Variants in RPGRIP1 observed in about 807,000 individuals in gnomAD.
RPGRIP1 encodes the protein X-linked retinitis pigmentosa GTPase regulator-interacting protein 1.
A neutral mutation model predicts 157.9 loss-of-function variants in RPGRIP1; 128 were observed. That is an observed-to-expected ratio of 0.81 (90% CI 0.70 to 0.94). The LOEUF is 0.94. Among genes scored for constraint, RPGRIP1 ranks in the 40% least tolerant of loss-of-function variants. RPGRIP1 has a pLI of 0.00. For synonymous variants in RPGRIP1, 554 were observed against 571.6 expected (o/e 0.97, Z 0.44); for missense variants, 1,486 against 1,545.8 (o/e 0.96, Z 0.65).
At chr14:21,327,406 TAG>T (rs1372477015) in intron 17 of RPGRIP1, among the ~76,000 whole-genome samples, 1 of 152,204 alleles carries the variant, frequency 6.6e-6, no homozygotes, top group African/African-American at 2.4e-5. Context: ...TCCTGAATCC[TAG>T]AGATAACCCA....
chr14:21,297,305 C>T (rs531177681), intron 3 of RPGRIP1, among the ~76,000 whole-genome samples: 6 of 152,094 alleles, frequency 3.9e-5, no homozygotes, highest in Admixed American at 2.6e-4. Context: ...ATGTTGGCCA[C>T]GCTGGTCTCG....
At chr14:21,322,400 C>T (rs186419436) in intron 14 of RPGRIP1, among the ~76,000 whole-genome samples, 14 of 152,240 alleles carry the variant, frequency 9.2e-5, no homozygotes, top group Admixed American at 7.2e-4. Flanking sequence ...CTCAGGTGAT[C>T]CACCTGCCTC....
Position 21,324,955 on chromosome 14 carries a change from G to C in RPGRIP1, c.2100G>C (p.Arg700=), listed in dbSNP as rs369515171. ...FLHYLQEASA[R]LDIHQAMASE... Reference sequence around the variant, plus strand: ...ACTACCTTCAAGAGGCTTCAGCCCGGCTTGACATACACCAGGCCATGGCCA... The same window carrying C: ...ACTACCTTCAAGAGGCTTCAGCCCGCCTTGACATACACCAGGCCATGGCCA... The change falls in exon 15 of 25, where the codon CGG becomes CGC. Residue 700 remains arginine, a synonymous_variant. Coordinates refer to ENST00000400017, the MANE Select transcript of RPGRIP1 (RefSeq NM_020366.4). 3.8e-5 allele frequency: 61 copies of C among 1,613,906 alleles called. No homozygotes were observed. The highest frequency in any genetic ancestry group is 1.7e-4 in the Admixed American group (10 of 60,002).
At chr14:21,287,033 A>G (rs1264234921) in intron 1 of RPGRIP1, among the ~76,000 whole-genome samples, 3 of 151,676 alleles carry the variant, frequency 2.0e-5, no homozygotes, top group African/African-American at 7.3e-5. Flanking sequence ...AAGAAAAAAA[A>G]AAGAGGAAAG....
At chr14:21,302,184 T>C (rs1373469184) in intron 4 of RPGRIP1, among the ~76,000 whole-genome samples, 1 of 152,242 alleles carries the variant, frequency 6.6e-6, no homozygotes, top group Non-Finnish European at 1.5e-5. Context: ...CCACCTGTTA[T>C]GTACTGGGCA....
intron 20 of RPGRIP1, 129 bp downstream of exon 20, chr14:21,330,516 A>C: frequency 3.4e-6 from 2 of 591,434 alleles, no homozygotes; most frequent in Non-Finnish European, 5.0e-6. Context: ...AAATACAAAA[A>C]TTAGCCGGGT....
intron 20 of RPGRIP1, among the ~76,000 whole-genome samples, chr14:21,333,718 A>G (rs1463419250): frequency 1.3e-5 from 2 of 152,138 alleles, no homozygotes; most frequent in Non-Finnish European, 2.9e-5. Flanking sequence ...CAAGACAGCA[A>G]GGTACAAGTC....
intron 1 of RPGRIP1, among the ~76,000 whole-genome samples, chr14:21,281,803 A>T (rs113395587): frequency 6.8e-6 from 1 of 148,106 alleles, no homozygotes; most frequent in Non-Finnish European, 1.5e-5. Flanking sequence ...GTAAAAAAGA[A>T]AAAAAAGAAG....
intron 1 of RPGRIP1, among the ~76,000 whole-genome samples, chr14:21,283,508 A>G (rs557505217): frequency 8.5e-5 from 13 of 152,126 alleles, no homozygotes; most frequent in South Asian, 4.2e-4. Context: ...TCGCCATGTT[A>G]GCCAGGCTGG....
At chr14:21,288,900 G>T (rs1880408538) in intron 2 of RPGRIP1, among the ~76,000 whole-genome samples, 3 of 152,142 alleles carry the variant, frequency 2.0e-5, no homozygotes, top group Admixed American at 1.3e-4. Flanking sequence ...CACAACAAAA[G>T]CCAAGAACAA....
intron 3 of RPGRIP1, among the ~76,000 whole-genome samples, chr14:21,296,004 C>T (rs929899011): frequency 1.3e-5 from 2 of 151,964 alleles, no homozygotes; most frequent in Admixed American, 6.6e-5. Context: ...GGCGCAGTCT[C>T]GGCTCACTGC....
intron 23 of RPGRIP1, among the ~76,000 whole-genome samples, chr14:21,347,164 GCTTT>G (rs369544422): frequency 6.6e-6 from 1 of 152,076 alleles, no homozygotes; most frequent in African/African-American, 2.4e-5. Context: ...ATTACCTTTG[GCTTT>G]CTTTTTGCCA....
chr14:21,315,869 G>C (rs1881772902), intron 10 of RPGRIP1, among the ~76,000 whole-genome samples: 1 of 150,940 alleles, frequency 6.6e-6, no homozygotes. Flanking sequence ...TGTGATCTTG[G>C]CTCACTGCAA....
At chr14:21,347,881 A>G (rs1162361084) in intron 23 of RPGRIP1, among the ~76,000 whole-genome samples, 1 of 152,112 alleles carries the variant, frequency 6.6e-6, no homozygotes, top group South Asian at 2.1e-4. Context: ...GTGTGCCACC[A>G]TGCCCGGCTA....
intron 21 of RPGRIP1, among the ~76,000 whole-genome samples, chr14:21,336,681 C>G (rs962613364): frequency 1.3e-5 from 2 of 152,108 alleles, no homozygotes; most frequent in African/African-American, 2.4e-5. Flanking sequence ...GATAACACTT[C>G]TATATTACCA....
In RPGRIP1 at chr14:21,288,071, A is replaced by G; in HGVS notation, c.85+10A>G. 1.3e-6 allele frequency: 2 copies of G among 1,572,636 alleles called. No homozygotes were observed. The highest frequency in any genetic ancestry group is 1.1e-5 in the South Asian group (1 of 90,224). On this transcript the variant is annotated intron_variant, in intron 2 of 24. Transcript: ENST00000400017. ...CTACCAGCCTCAAAAGGTAACTTCT[A>G]CGCCTGAGGATGGACACCTTTTAGA...
chr14:21,310,599 C>A lies in RPGRIP1; in HGVS notation c.922C>A (p.Leu308Ile). The A allele has an allele frequency of 6.9e-7, 1 of 1,457,246 alleles. No homozygotes were observed. Among genetic ancestry groups the A allele is most frequent in the Non-Finnish European group, 9.3e-7 (1 of 1,076,182 alleles). The allele number at this position is 1,457,246 out of a possible 1,614,324, so 90.3% of individuals were successfully genotyped here. A position where few individuals can be genotyped will look rare whatever the true frequency, so the allele number is the denominator to read the frequency against. Residue 308 changes from leucine to isoleucine, a missense_variant, in exon 8 of 25, where the codon CTC (leucine) becomes ATC (isoleucine). Physicochemically the swap from Leu to Ile is conservative, Grantham distance 5. Coordinates refer to ENST00000400017, the MANE Select transcript of RPGRIP1 (RefSeq NM_020366.4). ...TEVQEAYETL[L>I]QKNQGILSAA... The stretch of plus-strand genomic sequence containing the variant: ...TTTCTTCCAGGCATACGAAACCTTG[C>A]TCCAGAAGGTACTTAATGAGAATTG...
intron 24 of RPGRIP1, among the ~76,000 whole-genome samples, chr14:21,350,380 A>C (rs1408113117): frequency 2.6e-5 from 1 of 38,168 alleles, no homozygotes; most frequent in Non-Finnish European, 7.4e-5. Flanking sequence ...TGTCTCCAAA[A>C]AAAAAAAAAA....
intron 4 of RPGRIP1, among the ~76,000 whole-genome samples, chr14:21,301,539 T>G (rs1488475522): frequency 6.6e-6 from 1 of 151,978 alleles, no homozygotes; most frequent in Non-Finnish European, 1.5e-5. Context: ...TAGCTGGGCA[T>G]GGTGGCGCGC....
Sources: gnomAD v4.1 joint callset for allele counts (sites outside exome capture counted in the v4.1 genomes callset) on GRCh38, gnomAD v4.1.1 for gene constraint, MANE v1.5 for transcripts, NCBI Gene and HGNC (gene_info 2026-07-23, HGNC 2026-07-21) for gene names.